The following RS1 variants were observed in gnomAD, a reference collection of about 807,000 sequenced individuals.
RS1 encodes retinoschisin 1.
RS1 carries 2 observed loss-of-function variants against 20.8 expected under a neutral mutation model. That is an observed-to-expected ratio of 0.10 (90% CI 0.04 to 0.30). The LOEUF is 0.30. Ranked by LOEUF, RS1 falls within the 10% of genes least tolerant of loss-of-function variation. The probability of loss-of-function intolerance (pLI) is 1.00; values close to 1 mark genes in which losing one functional copy is unlikely to be tolerated. For synonymous variants in RS1, 70 were observed against 75.8 expected (o/e 0.92, Z 0.40); for missense variants, 151 against 189.8 (o/e 0.80, Z 1.20).
chrX:18,641,959 C>T lies in RS1; in HGVS notation c.*45G>A, dbSNP rs1044165092. On this transcript the variant is annotated 3_prime_UTR_variant, in exon 6 of 6. Transcript: ENST00000379984. Reference sequence around the variant, plus strand: ...GTGTGAGGGGGTCCCCTACGGCCCGCTCTGTGCCAGTCACCCCCTGGCAGG... The same window carrying T: ...GTGTGAGGGGGTCCCCTACGGCCCGTTCTGTGCCAGTCACCCCCTGGCAGG... 17 of 1,204,572 alleles carry T rather than the reference C, an allele frequency of 1.4e-5. No homozygotes were observed. The Admixed American group carries it at 2.0e-4, about 14-fold the overall frequency.
chrX:18,653,283 T>C (rs1928124786), intron 3 of RS1: 1 of 1,093,544 alleles, frequency 9.1e-7, no homozygotes, highest in Non-Finnish European at 1.2e-6. Context: ...ACAGAGCTTT[T>C]AGTATTTTTA....
intron 4 of RS1, chrX:18,646,190 C>A: frequency 8.7e-7 from 1 of 1,153,212 alleles, no homozygotes; most frequent in South Asian, 1.9e-5. Context: ...CTTGCTCTGT[C>A]GCCCAGGCTG....
At chrX:18,651,264 T>TGTGTGTGAGAGAGA (rs1491242962) in intron 3 of RS1, among the ~76,000 whole-genome samples, 101 of 69,004 alleles carry the variant, frequency 1.5e-3, no homozygotes, top group African/African-American at 5.9e-3. Context: ...TGTGTGTGTG[T>TGTGTGTGAGAGAGA]GAGAGAGAGA....
chrX:18,655,575 A>G (rs542387390), intron 3 of RS1, among the ~76,000 whole-genome samples: 9 of 111,845 alleles, frequency 8.0e-5, no homozygotes, highest in African/African-American at 2.6e-4. Context: ...GTAGGCAGGG[A>G]GTTCTGCTCC....
chrX:18,666,801 G>A (rs1928412557), intron 1 of RS1, among the ~76,000 whole-genome samples: 1 of 110,827 alleles, frequency 9.0e-6, no homozygotes, highest in Non-Finnish European at 1.9e-5. Context: ...GCAGGGGTGG[G>A]GGTGTGAAAG....
In RS1 at chrX:18,639,832, A is replaced by G. The variant is rs1569227912; in HGVS notation, c.*2172T>C. 1 of 112,382 alleles carries G rather than the reference A, an allele frequency of 8.9e-6. No individual in the cohort carries two copies. Among genetic ancestry groups the G allele is most frequent in the Non-Finnish European group, 1.9e-5 (1 of 53,315 alleles). 9.3% of individuals were successfully genotyped at this position (112,382 alleles called of 1,213,427 possible). ...TGTTCAGCAATAAAAAGGAGTGACA[A>G]GTGACATAGTGATACACATGTTATA... On this transcript the variant is annotated 3_prime_UTR_variant, in exon 6 of 6. Transcript: ENST00000379984.
rs987493516 is a variant in RS1, at chrX:18,640,494, C to T, written c.*1510G>A. On this transcript the variant is annotated 3_prime_UTR_variant, in exon 6 of 6. Transcript: ENST00000379984. Reference sequence around the variant, plus strand: ...TGTTTATATTTGAGAGAAGATTGGGCGGGGAAAAGCATTTTCCGAAGTTCA... The same window carrying T: ...TGTTTATATTTGAGAGAAGATTGGGTGGGGAAAAGCATTTTCCGAAGTTCA... 2.4e-5 allele frequency: 2 copies of T among 84,418 alleles called. No homozygotes were observed. Among genetic ancestry groups the T allele is most frequent in the African/African-American group, 4.8e-5 (1 of 20,936 alleles). The allele number at this position is 84,418 out of a possible 1,213,427, so 7.0% of individuals were successfully genotyped here.
At chrX:18,644,344 C>A in intron 5 of RS1, 86 bp downstream of exon 5, 1 of 848,327 alleles carries the variant, frequency 1.2e-6, no homozygotes. Flanking sequence ...GGTGCTCTGA[C>A]AGAGGGCAGT....
At chrX:18,666,462 A>G (rs1928405933) in intron 1 of RS1, among the ~76,000 whole-genome samples, 1 of 111,346 alleles carries the variant, frequency 9.0e-6, no homozygotes, top group Non-Finnish European at 1.9e-5. Flanking sequence ...GAGCTAGAGG[A>G]GAGAGAGTCT....
chrX:18,653,795 C>A (rs1473195522), intron 3 of RS1, among the ~76,000 whole-genome samples: 2 of 110,017 alleles, frequency 1.8e-5, no homozygotes, highest in African/African-American at 6.6e-5. Context: ...CGGTGAAACC[C>A]CGTCTCTACT....
intron 1 of RS1, among the ~76,000 whole-genome samples, chrX:18,659,406 C>T (rs1191705454): frequency 9.0e-6 from 1 of 110,924 alleles, no homozygotes; most frequent in Admixed American, 9.6e-5. Flanking sequence ...ACCCGGGTTG[C>T]AGTGAGCCGA....
chrX:18,649,300 G>C (rs1431480895), intron 3 of RS1, among the ~76,000 whole-genome samples: 3 of 111,375 alleles, frequency 2.7e-5, no homozygotes, highest in African/African-American at 9.8e-5. Flanking sequence ...CTGTGGCGCA[G>C]TCATAGCTCT....
chrX:18,651,148 C>T (rs1206732884), intron 3 of RS1, among the ~76,000 whole-genome samples: 3 of 100,242 alleles, frequency 3.0e-5, no homozygotes, highest in Non-Finnish European at 6.1e-5. Flanking sequence ...CCCCGCCACA[C>T]CCTCCAGAGA....
In RS1 at chrX:18,653,173, C is replaced by G. The variant is rs751495739; in HGVS notation, c.184+3480G>C. ...ATAGAAAATCTAGAATCAAAAGGAA[C>G]CATTAGCAAACCAGTAGATTTCTTA... On this transcript the variant is annotated intron_variant, in intron 3 of 5. Coordinates refer to ENST00000379984, the MANE Select transcript of RS1 (RefSeq NM_000330.4). Among the ~76,000 whole-genome samples the G allele has an allele frequency of 8.1e-4, 91 of 112,419 alleles. No individual in the cohort carries two copies. In the Admixed American group the frequency reaches 8.6e-3, roughly 11 times the overall value.
rs1258710194 is a variant in RS1 at position 18,640,008 on chromosome X, G to A, written c.*1996C>T. On this transcript the variant is annotated 3_prime_UTR_variant, in exon 6 of 6. Transcript: ENST00000379984. ...TGCAGAGGGCTTGGGGTGGCCGATG[G>A]GTTGGGGAGTGTTGGCTGATGGGTG... is the stretch of plus-strand genomic sequence containing the variant. 3 of 111,801 alleles carry A rather than the reference G, an allele frequency of 2.7e-5. No homozygotes were observed. The highest frequency in any genetic ancestry group is 5.6e-5 in the Non-Finnish European group (3 of 53,187). The allele number at this position is 111,801 out of a possible 1,213,427, so 9.2% of individuals were successfully genotyped here. A position where few individuals can be genotyped will look rare whatever the true frequency, so the allele number is the denominator to read the frequency against.
Position 18,653,565 on chromosome X carries a change from G to A in RS1, c.184+3088C>T. The A allele has an allele frequency of 2.5e-6, 3 of 1,206,203 alleles. No homozygotes were observed. The African/African-American group carries it at 5.2e-5, about 21-fold the overall frequency. ...AGTGACTTCTGCAAGCCTGCGGCTG[G>A]TCCCAATGCCCTGAATCACCTCTCT... On this transcript the variant is annotated intron_variant, in intron 3 of 5. Transcript: ENST00000379984.
At chrX:18,647,458 T>C in intron 3 of RS1, 126 bp from the exon 4 acceptor site, 1 of 694,711 alleles carries the variant, frequency 1.4e-6, no homozygotes, top group Non-Finnish European at 2.2e-6. Flanking sequence ...TACCTGTCTC[T>C]GTGGTTCACA....
chrX:18,647,340 A>G lies in RS1; in HGVS notation c.185-8T>C, dbSNP rs1423184845. Reference sequence around the variant, plus strand: ...GCTTGTGATATGGGCATTCTGGGAAAGGAAAAAGAATTCACATTCACACAT... The same window carrying G: ...GCTTGTGATATGGGCATTCTGGGAAGGGAAAAAGAATTCACATTCACACAT... On this transcript the variant is annotated splice_polypyrimidine_tract_variant and splice_region_variant and intron_variant, in intron 3 of 5. Transcript: ENST00000379984. 1 of 1,209,958 alleles carries G rather than the reference A, an allele frequency of 8.3e-7. No homozygotes were observed. Among genetic ancestry groups the G allele is most frequent in the Non-Finnish European group, 1.1e-6 (1 of 894,455 alleles).
intron 3 of RS1, chrX:18,650,692 G>A (rs1927993405): frequency 1.0e-6 from 1 of 955,886 alleles, no homozygotes; most frequent in Admixed American, 2.3e-5. Context: ...CACCCCCAGG[G>A]ATTCTGACAT....
Sources: allele counts gnomAD v4.1 joint callset (sites outside exome capture counted in the v4.1 genomes callset), GRCh38; gene constraint gnomAD v4.1.1; transcripts MANE v1.5; gene names NCBI Gene and HGNC (gene_info 2026-07-23, HGNC 2026-07-21).